MAN1A2: variants seen among roughly 807,000 people sequenced by gnomAD.
MAN1A2 encodes the protein mannosyl-oligosaccharide 1,2-alpha-mannosidase IB.
Under a neutral mutation model 75.7 loss-of-function variants are expected in MAN1A2, and 26 were observed. The ratio of observed to expected loss-of-function variants is 0.34; its 90% CI spans 0.25 to 0.48. The LOEUF is 0.48. Among genes scored for constraint, MAN1A2 ranks in the 20% least tolerant of loss-of-function variants. MAN1A2 has a pLI of 0.99. For synonymous variants in MAN1A2, 247 were observed against 264.6 expected, an observed-to-expected ratio of 0.93 and a Z score of 0.65; for missense variants, 562 against 775.5, an observed-to-expected ratio of 0.72 and a Z score of 3.27.
chr1:117,376,206 C>T (rs1055190501), intron 1 of MAN1A2, among the ~76,000 whole-genome samples: 4 of 152,152 alleles, frequency 2.6e-5, no homozygotes, highest in Non-Finnish European at 5.9e-5. Context: ...CCACTGCGCC[C>T]GGCCCTAATT....
At chr1:117,520,559 G>A (rs1299400755) in intron 12 of MAN1A2, among the ~76,000 whole-genome samples, 1 of 151,756 alleles carries the variant, frequency 6.6e-6, no homozygotes, top group Non-Finnish European at 1.5e-5. Flanking sequence ...GAACTCAGCC[G>A]CTTTTACAAT....
intron 5 of MAN1A2, among the ~76,000 whole-genome samples, chr1:117,422,648 T>G (rs548182931): frequency 2.6e-5 from 4 of 152,250 alleles, no homozygotes; most frequent in South Asian, 4.1e-4. Flanking sequence ...ATTGTGGTGG[T>G]TCTATTTTGC....
intron 12 of MAN1A2, among the ~76,000 whole-genome samples, chr1:117,511,618 T>C (rs1651537901): frequency 6.6e-6 from 1 of 151,928 alleles, no homozygotes; most frequent in Admixed American, 6.6e-5. Flanking sequence ...TGTTGATAAA[T>C]TTTTAGTCTG....
intron 8 of MAN1A2, among the ~76,000 whole-genome samples, chr1:117,484,300 A>T (rs1406279002): frequency 6.6e-6 from 1 of 151,942 alleles, no homozygotes; most frequent in Non-Finnish European, 1.5e-5. Flanking sequence ...GTCTGTTTAC[A>T]AGATGAATAG....
intron 3 of MAN1A2, among the ~76,000 whole-genome samples, chr1:117,409,960 C>A (rs1324144853): frequency 6.6e-6 from 1 of 151,710 alleles, no homozygotes. Context: ...CAGAGAATAC[C>A]AAAATCCATG....
intron 1 of MAN1A2, among the ~76,000 whole-genome samples, chr1:117,383,828 G>A (rs552254079): frequency 6.6e-6 from 1 of 152,010 alleles, no homozygotes; most frequent in African/African-American, 2.4e-5. Flanking sequence ...TGATCATGGT[G>A]CACTGCAACC....
chr1:117,406,864 T>C (rs1178483977), intron 3 of MAN1A2, among the ~76,000 whole-genome samples: 1 of 152,056 alleles, frequency 6.6e-6, no homozygotes, highest in Non-Finnish European at 1.5e-5. Flanking sequence ...CAACGGTAAA[T>C]TGTGAGCCTT....
At chr1:117,386,952 G>A (rs754981380) in intron 1 of MAN1A2, among the ~76,000 whole-genome samples, 11 of 151,922 alleles carry the variant, frequency 7.2e-5, no homozygotes, top group Non-Finnish European at 1.2e-4. Flanking sequence ...AAAGGTGCCC[G>A]GTAGCATGGG....
At position 117,377,155 on chromosome 1, in the gene MAN1A2, T is replaced by G. The variant is rs115104342; in HGVS notation, c.302+8670T>G. Among the ~76,000 whole-genome samples, 1,514 of 152,302 alleles carry G rather than the reference T, an allele frequency of 9.9e-3. 22 individuals are homozygous for G. Among genetic ancestry groups the G allele is most frequent in the African/African-American group, 0.034 (1,408 of 41,560 alleles). On this transcript the variant is annotated intron_variant, in intron 1 of 12. Transcript: ENST00000356554. ...ACATGCATACATGACTTTTTTCCAA[T>G]TAGTTGGCAGTCAGGTGGCATCTGA...
chr1:117,516,343 A>G (rs2101893760), intron 12 of MAN1A2, among the ~76,000 whole-genome samples: 1 of 152,314 alleles, frequency 6.6e-6, no homozygotes, highest in Middle Eastern at 3.4e-3. Flanking sequence ...ACAAAATTCT[A>G]GGAAGTCATG....
At chr1:117,517,247 A>G (rs905752924) in intron 12 of MAN1A2, among the ~76,000 whole-genome samples, 2 of 152,194 alleles carry the variant, frequency 1.3e-5, no homozygotes, top group East Asian at 1.9e-4. Context: ...CTACCACCCA[A>G]CAAAGTAAAA....
Position 117,499,845 on chromosome 1 carries a change from C to T in MAN1A2, c.1677+291C>T, listed in dbSNP as rs546025869. ...GAAGCAAGTGGTTTACTCTTAAAGT[C>T]TTTCAGGGAATCCATAGCTATCAGT... On this transcript the variant is annotated intron_variant, in intron 11 of 12. Transcript: ENST00000356554. Among the ~76,000 whole-genome samples, 148 of 150,952 alleles carry T rather than the reference C, an allele frequency of 9.8e-4. 1 individual carries two copies. The highest frequency in any genetic ancestry group is 1.7e-3 in the Non-Finnish European group (113 of 67,676).
At chr1:117,458,492 TATATCTATATATATATATAG>T (rs1438636607) in intron 6 of MAN1A2, among the ~76,000 whole-genome samples, 1 of 65,056 alleles carries the variant, frequency 1.5e-5, no homozygotes, top group African/African-American at 7.8e-5. Context: ...GAAATATATA[TATATCTATATATATATATAG>T]ATATATATAT....
At chr1:117,399,342 TGTG>T (rs1194746560) in intron 1 of MAN1A2, among the ~76,000 whole-genome samples, 1 of 152,150 alleles carries the variant, frequency 6.6e-6, no homozygotes, top group Non-Finnish European at 1.5e-5. Context: ...TTGGGGATAA[TGTG>T]GTACGTGGAG....
At chr1:117,437,427 A>T (rs1648882187) in intron 5 of MAN1A2, among the ~76,000 whole-genome samples, 1 of 152,220 alleles carries the variant, frequency 6.6e-6, no homozygotes, top group Non-Finnish European at 1.5e-5. Flanking sequence ...TGAATCTGTC[A>T]TTCAAGAGGG....
intron 5 of MAN1A2, among the ~76,000 whole-genome samples, chr1:117,426,728 T>C (rs1338732901): frequency 6.6e-6 from 1 of 152,208 alleles, no homozygotes; most frequent in African/African-American, 2.4e-5. Context: ...ATTGCTTTCA[T>C]ACCATTGTAA....
At chr1:117,503,652 C>T (rs1570797921) in intron 12 of MAN1A2, among the ~76,000 whole-genome samples, 1 of 151,434 alleles carries the variant, frequency 6.6e-6, no homozygotes, top group African/African-American at 2.4e-5. Context: ...ATTTGTATTT[C>T]TTGCATATCT....
intron 6 of MAN1A2, among the ~76,000 whole-genome samples, chr1:117,446,339 C>T (rs977837541): frequency 1.3e-5 from 2 of 151,878 alleles, no homozygotes; most frequent in Non-Finnish European, 2.9e-5. Context: ...CTTTTTCTGG[C>T]TCCTTACATT....
Position 117,510,329 on chromosome 1 carries a change from A to G in MAN1A2, c.1793+7359A>G, listed in dbSNP as rs554738193. 6.6e-5 allele frequency among the ~76,000 whole-genome samples: 10 copies of G among 152,192 alleles called. No homozygotes were observed. The South Asian group carries it at 2.1e-3, about 32-fold the overall frequency. ...CAGAAAACTTCTCAGAGAGTTTCAG[A>G]AAATTAATTAGAAATGGTTAAAATC... is the stretch of plus-strand genomic sequence containing the variant. On this transcript the variant is annotated intron_variant, in intron 12 of 12. Coordinates refer to ENST00000356554, the MANE Select transcript of MAN1A2 (RefSeq NM_006699.5).
Sources: gnomAD v4.1 joint callset for allele counts (sites outside exome capture counted in the v4.1 genomes callset) on GRCh38, gnomAD v4.1.1 for gene constraint, MANE v1.5 for transcripts, NCBI Gene and HGNC (gene_info 2026-07-23, HGNC 2026-07-21) for gene names.